Variants in LOXHD1 observed in about 807,000 individuals in gnomAD.
The protein encoded by LOXHD1 is lipoxygenase homology domain-containing protein 1.
A neutral mutation model predicts 248.2 loss-of-function variants in LOXHD1; 205 were observed. The ratio of observed to expected loss-of-function variants is 0.83; its 90% CI spans 0.74 to 0.93. The LOEUF is 0.93. LOXHD1 is among the 40% of genes least tolerant of loss of function. The probability of loss-of-function intolerance (pLI) is 0.00; values close to 1 mark genes in which losing one functional copy is unlikely to be tolerated. For missense variants in LOXHD1, 2,930 were observed against 2,971.6 expected (o/e 0.99, Z 0.33); for synonymous variants, 1,113 against 1,162.8 (o/e 0.96, Z 0.87).
At chr18:46,543,986 G>A (rs1217699176) in intron 23 of LOXHD1, among the ~76,000 whole-genome samples, 2 of 152,190 alleles carry the variant, frequency 1.3e-5, no homozygotes, top group African/African-American at 2.4e-5. Flanking sequence ...TATATAATCA[G>A]TCCTGAGACT....
chr18:46,593,448 T>A (rs1208337164), intron 10 of LOXHD1, among the ~76,000 whole-genome samples, 152 bp downstream of exon 10: 2 of 152,216 alleles, frequency 1.3e-5, no homozygotes, highest in East Asian at 3.8e-4. Context: ...ATCATCAAAT[T>A]TGTCTCCCTT....
rs759980532 is a variant in LOXHD1, at chr18:46,485,140, C to G, written c.6061G>C (p.Val2021Leu). 6.5e-7 allele frequency: 1 copy of G among 1,549,594 alleles called. No individual in the cohort carries two copies. Among genetic ancestry groups the G allele is most frequent in the South Asian group, 1.2e-5 (1 of 83,772 alleles). ...DELEETTYEIVIETGNGGETR... is the reference protein window; with the variant it reads ...DELEETTYEILIETGNGGETR... ...TCGCCTCCGTTGCCCGTTTCTATGACGATCTCGTAGGCTGTAATGGAGGAG... is the reference window on the plus strand; with the variant it reads ...TCGCCTCCGTTGCCCGTTTCTATGAGGATCTCGTAGGCTGTAATGGAGGAG... The change falls in exon 39 of 41, where the codon GTC becomes CTC. Residue 2021 changes from valine to leucine, a missense_variant. Physicochemically the swap from Val to Leu is conservative, Grantham distance 32. Coordinates refer to ENST00000642948, the MANE Select transcript of LOXHD1 (RefSeq NM_001384474.1).
At chr18:46,562,407 T>C (rs917792510) in intron 18 of LOXHD1, among the ~76,000 whole-genome samples, 1 of 152,168 alleles carries the variant, frequency 6.6e-6, no homozygotes. Context: ...AATAAAACAT[T>C]CATGTTTCTC....
At chr18:46,656,501 G>A (rs2039183691) in intron 1 of LOXHD1, among the ~76,000 whole-genome samples, 1 of 152,176 alleles carries the variant, frequency 6.6e-6, no homozygotes, top group Admixed American at 6.5e-5. Context: ...AGGATGAGCT[G>A]TCAGGCTTCC....
intron 25 of LOXHD1, 40 bp from the exon 26 acceptor site, chr18:46,538,377 G>C: frequency 1.3e-6 from 2 of 1,525,372 alleles, no homozygotes; most frequent in Non-Finnish European, 1.8e-6. Context: ...GAGTGGATGA[G>C]AGAACAGAAA....
At chr18:46,572,895 C>T (rs916962475) in intron 14 of LOXHD1, among the ~76,000 whole-genome samples, 3 of 151,582 alleles carry the variant, frequency 2.0e-5, no homozygotes, top group Non-Finnish European at 4.4e-5. Flanking sequence ...TGGTGGTGGG[C>T]GCCTGTAGTC....
chr18:46,600,365 G>A (rs1284610082), intron 8 of LOXHD1, among the ~76,000 whole-genome samples: 2 of 152,162 alleles, frequency 1.3e-5, no homozygotes, highest in African/African-American at 4.8e-5. Context: ...TTGGGAGGCC[G>A]AGGCAGGCAG....
intron 32 of LOXHD1, among the ~76,000 whole-genome samples, chr18:46,521,667 T>C (rs1248189301): frequency 6.6e-6 from 1 of 152,128 alleles, no homozygotes; most frequent in East Asian, 1.9e-4. Flanking sequence ...AAATGGATTC[T>C]GCCAACAACC....
intron 5 of LOXHD1, among the ~76,000 whole-genome samples, chr18:46,615,606 G>A (rs1378900417): frequency 6.6e-6 from 1 of 152,054 alleles, no homozygotes; most frequent in Non-Finnish European, 1.5e-5. Flanking sequence ...TTTAAGTTAA[G>A]GCTTGCTTTG....
chr18:46,542,898 C>T lies in LOXHD1; in HGVS notation c.3620-43G>A, dbSNP rs2198283. On this transcript the variant is annotated intron_variant, in intron 23 of 40. Coordinates refer to ENST00000642948, the MANE Select transcript of LOXHD1 (RefSeq NM_001384474.1). ...CCAGCATGACTGGCTGGACCTGAGG[C>T]CTTTCAAGCCTAGTCAGACCCAAAC... The T allele has an allele frequency of 1.6e-4, 252 of 1,551,342 alleles. 1 individual carries two copies. The African/African-American group carries it at 3.0e-3, about 18-fold the overall frequency.
At chr18:46,569,023 A>C (rs1599013369) in intron 16 of LOXHD1, among the ~76,000 whole-genome samples, 1 of 152,170 alleles carries the variant, frequency 6.6e-6, no homozygotes, top group African/African-American at 2.4e-5. Flanking sequence ...TCTGATGCAC[A>C]CTCAAGTTTG....
At chr18:46,516,961 T>C (rs766188960) in intron 34 of LOXHD1, among the ~76,000 whole-genome samples, 6 of 152,110 alleles carry the variant, frequency 3.9e-5, no homozygotes, top group Non-Finnish European at 8.8e-5. Flanking sequence ...ATCCACAATG[T>C]CCTCATCACC....
Position 46,559,557 on chromosome 18 carries a change from G to C in LOXHD1, c.3107C>G (p.Ala1036Gly), listed in dbSNP as rs1204211771. The change falls in exon 20 of 41, where the codon GCC becomes GGC. Residue 1036 changes from alanine to glycine, a missense_variant. Transcript: ENST00000642948. The part of the protein sequence containing the change: ...VQVVTGNVPK[A>G]GTDANVYLTI... ...TAGGTAGACGTTAGCATCAGTGCCG[G>C]CCTTGGGCACATTCCCCGTGACCAC... 8.4e-6 allele frequency: 13 copies of C among 1,551,750 alleles called. No individual in the cohort carries two copies. Among genetic ancestry groups the C allele is most frequent in the Admixed American group, 2.0e-5 (1 of 50,990 alleles).
Position 46,604,100 on chromosome 18 carries a change from A to G in LOXHD1, c.883+6T>C. On this transcript the variant is annotated splice_donor_region_variant and intron_variant, in intron 7 of 40. Coordinates refer to ENST00000642948, the MANE Select transcript of LOXHD1 (RefSeq NM_001384474.1). ...CCAAAAGAGCCTCCCCTTTCTTCAA[A>G]TCTACCTGTGGTCTCAGCTCCGCCC... is the stretch of plus-strand genomic sequence containing the variant. 2 of 1,551,690 alleles carry G rather than the reference A, an allele frequency of 1.3e-6. No individual in the cohort carries two copies. Among genetic ancestry groups the G allele is most frequent in the Non-Finnish European group, 1.7e-6 (2 of 1,146,964 alleles).
Position 46,479,182 on chromosome 18 carries a change from C to A in LOXHD1, c.6342-1230G>T, listed in dbSNP as rs143948047. On this transcript the variant is annotated intron_variant, in intron 40 of 40. Transcript: ENST00000642948. ...TGGAAATATGACTATTAAATGTACG[C>A]TCCCAGATCCCTTACACTTGGCTGA... Among the ~76,000 whole-genome samples the A allele has an allele frequency of 5.6e-3, 845 of 152,004 alleles. 8 individuals carry two copies. The highest frequency in any genetic ancestry group is 0.019 in the African/African-American group (808 of 41,440).
At chr18:46,618,402 G>T (rs1411396115) in intron 4 of LOXHD1, 112 bp from the exon 5 acceptor site, 7 of 717,122 alleles carry the variant, frequency 9.8e-6, no homozygotes, top group South Asian at 1.7e-5. Context: ...TGCATAAATT[G>T]TCACCATTAC....
intron 38 of LOXHD1, among the ~76,000 whole-genome samples, chr18:46,485,739 G>A (rs1027417334): frequency 1.3e-5 from 2 of 152,074 alleles, no homozygotes; most frequent in Admixed American, 6.6e-5. Context: ...ACACAAACAT[G>A]GACTGTACCA....
chr18:46,525,079 G>T (rs988722337), intron 29 of LOXHD1, among the ~76,000 whole-genome samples, 162 bp from the exon 30 acceptor site: 3 of 152,222 alleles, frequency 2.0e-5, no homozygotes, highest in Admixed American at 6.5e-5. Flanking sequence ...CCGAGCCTGT[G>T]GGGTCCAAGG....
intron 1 of LOXHD1, among the ~76,000 whole-genome samples, chr18:46,649,820 C>T (rs1232799315): frequency 1.3e-5 from 2 of 152,158 alleles, no homozygotes; most frequent in Non-Finnish European, 2.9e-5. Flanking sequence ...GAAGCTTATT[C>T]TGTTTACTGT....
Sources: allele counts gnomAD v4.1 joint callset (sites outside exome capture counted in the v4.1 genomes callset), GRCh38; gene constraint gnomAD v4.1.1; transcripts MANE v1.5; gene names NCBI Gene and HGNC (gene_info 2026-07-23, HGNC 2026-07-21).